Variants in B3GNT2 observed in about 807,000 individuals in gnomAD.
The protein encoded by B3GNT2 is UDP-GlcNAc:betaGal beta-1,3-N-acetylglucosaminyltransferase 2.
B3GNT2 carries 12 observed loss-of-function variants against 27.6 expected under a neutral mutation model. The observed-to-expected ratio is 0.44, with a 90% CI of 0.28 to 0.71. The LOEUF is 0.71. Ranked by LOEUF, B3GNT2 falls within the 30% of genes least tolerant of loss-of-function variation. The pLI is 0.17. For missense variants in B3GNT2, 413 were observed against 488.5 expected (o/e 0.85, Z 1.46); for synonymous variants, 192 against 189.7 (o/e 1.01, Z -0.10).
At chr2:62,216,062 G>T (rs2104205419) in intron 1 of B3GNT2, among the ~76,000 whole-genome samples, 1 of 152,320 alleles carries the variant, frequency 6.6e-6, no homozygotes, top group East Asian at 1.9e-4. Context: ...CCCATGGCGG[G>T]GGAGTCAGAC....
chr2:62,207,908 G>A (rs1674407347), intron 1 of B3GNT2, among the ~76,000 whole-genome samples: 1 of 152,136 alleles, frequency 6.6e-6, no homozygotes, highest in Admixed American at 6.5e-5. Flanking sequence ...TTGATTGCCT[G>A]AGTGCTTAAT....
At chr2:62,210,389 G>A (rs1013665667) in intron 1 of B3GNT2, among the ~76,000 whole-genome samples, 1 of 152,048 alleles carries the variant, frequency 6.6e-6, no homozygotes, top group Non-Finnish European at 1.5e-5. Flanking sequence ...CAAAGGGCAT[G>A]GGGGAGTAGG....
chr2:62,214,932 A>G (rs1674544967), intron 1 of B3GNT2, among the ~76,000 whole-genome samples: 1 of 152,108 alleles, frequency 6.6e-6, no homozygotes, highest in African/African-American at 2.4e-5. Flanking sequence ...AACCCTCTTT[A>G]GTTTACTAAA....
In B3GNT2 at chr2:62,223,011, A is replaced by G. The variant is rs1674749457; in HGVS notation, c.791A>G (p.Lys264Arg). The change falls in exon 2 of 2, where the codon AAG becomes AGG. Residue 264 changes from lysine (K) to arginine (R), a missense_variant. Coordinates refer to ENST00000301998, the MANE Select transcript of B3GNT2 (RefSeq NM_006577.6). ...HILNYLNSLS[K>R]TKAKDLFIGD... ...CTGAATTACTTGAATAGTTTATCCA[A>G]GACCAAAGCCAAAGATCTCTTCATA... 1 of 1,614,232 alleles carries G rather than the reference A, an allele frequency of 6.2e-7. No homozygotes were observed. The highest frequency in any genetic ancestry group is 8.5e-7 in the Non-Finnish European group (1 of 1,180,044).
At chr2:62,212,876 C>T (rs1674506302) in intron 1 of B3GNT2, among the ~76,000 whole-genome samples, 1 of 152,074 alleles carries the variant, frequency 6.6e-6, no homozygotes, top group Admixed American at 6.6e-5. Flanking sequence ...GACTGAAAAA[C>T]ATTCTATGCA....
intron 1 of B3GNT2, among the ~76,000 whole-genome samples, chr2:62,204,350 G>C (rs925029448): frequency 3.9e-5 from 6 of 152,166 alleles, no homozygotes; most frequent in African/African-American, 1.4e-4. Context: ...CATCCAACTG[G>C]TTCTCCAAAG....
At chr2:62,211,302 G>C (rs540184119) in intron 1 of B3GNT2, among the ~76,000 whole-genome samples, 2 of 152,308 alleles carry the variant, frequency 1.3e-5, no homozygotes, top group South Asian at 4.1e-4. Flanking sequence ...GCTGCAGTGA[G>C]CTGTGATTGC....
At position 62,223,249 on chromosome 2, in the gene B3GNT2, C is replaced by G. The variant is rs1477614585; in HGVS notation, c.1029C>G (p.Leu343=). The G allele has an allele frequency of 1.2e-6, 2 of 1,614,174 alleles. No individual in the cohort carries two copies. The highest frequency in any genetic ancestry group is 1.7e-5 in the Admixed American group (1 of 60,016). Residue 343 remains leucine, a synonymous_variant, in exon 2 of 2, where the codon CTC becomes CTG. Transcript: ENST00000301998. ...ATACTGGAATGTGCCTTCAGAAACT[C>G]GGCCTCGTTCCAGAGAAACACAAAG... ...DVYTGMCLQK[L]GLVPEKHKGF... is the part of the protein sequence containing the mutation.
At chr2:62,213,555 C>T (rs1204665647) in intron 1 of B3GNT2, among the ~76,000 whole-genome samples, 1 of 152,128 alleles carries the variant, frequency 6.6e-6, no homozygotes, top group Non-Finnish European at 1.5e-5. Context: ...CACCTGCACA[C>T]CCATGAGTCT....
At chr2:62,213,275 C>T (rs770853372) in intron 1 of B3GNT2, among the ~76,000 whole-genome samples, 3 of 152,106 alleles carry the variant, frequency 2.0e-5, no homozygotes, top group African/African-American at 2.4e-5. Context: ...CTAGCCTGGG[C>T]GACAGCGGAG....
rs1284007925 is a variant in B3GNT2, at chr2:62,224,321, T to G, written c.*907T>G. The G allele has an allele frequency of 6.0e-6, 1 of 167,104 alleles. No individual in the cohort carries two copies. 10.4% of individuals were successfully genotyped at this position (167,104 alleles called of 1,614,324 possible). On this transcript the variant is annotated 3_prime_UTR_variant, in exon 2 of 2. Transcript: ENST00000301998. Reference sequence around the variant, plus strand: ...TCCAGAATTTATTATTGCCATATTTTCACATGCTGCTTATACAAGATTATT... The same window carrying G: ...TCCAGAATTTATTATTGCCATATTTGCACATGCTGCTTATACAAGATTATT...
intron 1 of B3GNT2, among the ~76,000 whole-genome samples, chr2:62,201,969 G>A (rs1674274445): frequency 6.6e-6 from 1 of 152,208 alleles, no homozygotes; most frequent in Non-Finnish European, 1.5e-5. Flanking sequence ...TGTTAGTGCT[G>A]AGCAGACAGT....
chr2:62,210,423 A>G (rs1408338646), intron 1 of B3GNT2, among the ~76,000 whole-genome samples: 1 of 152,194 alleles, frequency 6.6e-6, no homozygotes, highest in Non-Finnish European at 1.5e-5. Flanking sequence ...AAGCATATGA[A>G]AAGATGGCAT....
chr2:62,198,680 T>C (rs969270078), intron 1 of B3GNT2, among the ~76,000 whole-genome samples: 3 of 152,248 alleles, frequency 2.0e-5, no homozygotes, highest in African/African-American at 7.2e-5. Flanking sequence ...TTTGAAAATT[T>C]TCTTGTTTTA....
chr2:62,197,338 C>T (rs956281645), intron 1 of B3GNT2, among the ~76,000 whole-genome samples: 1 of 152,212 alleles, frequency 6.6e-6, no homozygotes, highest in Admixed American at 6.5e-5. Flanking sequence ...ACTCCCTGTA[C>T]CCCCATCAAG....
At chr2:62,196,518 C>T (rs1674145502) in intron 1 of B3GNT2, among the ~76,000 whole-genome samples, 163 bp downstream of exon 1, 1 of 152,252 alleles carries the variant, frequency 6.6e-6, no homozygotes. Context: ...TTCGTACCCG[C>T]GCCCCGGTGG....
intron 1 of B3GNT2, among the ~76,000 whole-genome samples, chr2:62,213,128 TGAG>T (rs1273986235): frequency 2.0e-5 from 3 of 152,102 alleles, no homozygotes; most frequent in African/African-American, 7.2e-5. Context: ...TGGGGCAACA[TGAG>T]GAGACCTCGT....
intron 1 of B3GNT2, among the ~76,000 whole-genome samples, chr2:62,204,815 C>G (rs934200150): frequency 2.0e-5 from 3 of 152,150 alleles, no homozygotes; most frequent in South Asian, 2.1e-4. Flanking sequence ...TTTTTTAACT[C>G]TTTATAATGG....
At chr2:62,200,273 GCATCTA>G (rs1212147313) in intron 1 of B3GNT2, among the ~76,000 whole-genome samples, 1 of 151,384 alleles carries the variant, frequency 6.6e-6, no homozygotes, top group African/African-American at 2.4e-5. Context: ...TATTTTCTGT[GCATCTA>G]TAACTTAAAA....
Sources: allele counts gnomAD v4.1 joint callset (sites outside exome capture counted in the v4.1 genomes callset), GRCh38; gene constraint gnomAD v4.1.1; transcripts MANE v1.5; gene names NCBI Gene and HGNC (gene_info 2026-07-23, HGNC 2026-07-21).